Variants in CD82 observed in about 807,000 individuals in gnomAD.
CD82 encodes the protein CD82 molecule.
Under a neutral mutation model 37.4 loss-of-function variants are expected in CD82, and 36 were observed. That is an observed-to-expected ratio of 0.96 (90% confidence interval 0.74 to 1.27). CD82 has a LOEUF of 1.27. Among genes scored for constraint, CD82 ranks in the 50% most tolerant of loss-of-function variants. The pLI is 0.00. For missense variants in CD82, 340 were observed against 347.0 expected (o/e 0.98, Z 0.16); for synonymous variants, 158 against 137.4 (o/e 1.15, Z -1.05).
chr11:44,618,134 C>G (rs200577760), intron 7 of CD82, 28 bp from the exon 8 acceptor site: 1 of 1,607,882 alleles, frequency 6.2e-7, no homozygotes, highest in Non-Finnish European at 8.5e-7. Context: ...GCCGTGAGCA[C>G]AAGCAGTCTG....
chr11:44,600,115 A>T, intron 3 of CD82, 43 bp from the exon 4 acceptor site: 1 of 1,599,806 alleles, frequency 6.3e-7, no homozygotes, highest in East Asian at 2.2e-5. Flanking sequence ...GGGGAGGGCT[A>T]TCTGCTCTTG....
chr11:44,578,256 G>T (rs1852927475), intron 1 of CD82, among the ~76,000 whole-genome samples: 1 of 152,166 alleles, frequency 6.6e-6, no homozygotes, highest in Admixed American at 6.5e-5. Context: ...GCAGTGCCTG[G>T]TTTGCTGGGT....
chr11:44,577,351 C>T (rs1852908105), intron 1 of CD82, among the ~76,000 whole-genome samples: 1 of 152,032 alleles, frequency 6.6e-6, no homozygotes, highest in African/African-American at 2.4e-5. Context: ...CTCCTGTCTT[C>T]CTCATTCTTC....
chr11:44,605,537 C>T lies in CD82; in HGVS notation c.336+108C>T. On this transcript the variant is annotated intron_variant, in intron 6 of 9. Coordinates refer to ENST00000227155, the MANE Select transcript of CD82 (RefSeq NM_002231.4). ...CCCCCCCAGTTGTCACAGACAGATC[C>T]AGTAGGTGTCAGGGACGGCCTCCTG... The T allele has an allele frequency of 3.1e-6, 3 of 981,488 alleles. No individual in the cohort carries two copies. In the South Asian group the frequency reaches 4.1e-5, roughly 13 times the overall value. 60.8% of individuals were successfully genotyped at this position (981,488 alleles called of 1,614,324 possible). A position where few individuals can be genotyped will look rare whatever the true frequency, so the allele number is the denominator to read the frequency against.
intron 2 of CD82, among the ~76,000 whole-genome samples, chr11:44,590,610 C>A (rs1213282577): frequency 1.5e-3 from 51 of 33,446 alleles, no homozygotes; most frequent in South Asian, 2.4e-3. Flanking sequence ...GATTCTGTCT[C>A]AAAAAAAAAA....
rs1853244611 is a variant in CD82 at position 44,597,386 on chromosome 11, G to A, written c.63+2661G>A. ...TGGGGGAGTGATTAACATGGGGCCT[G>A]CCCCACAGCTCCAGTCTTGGTTCAC... On this transcript the variant is annotated intron_variant, in intron 3 of 9. Transcript: ENST00000227155. This position sits in a 1 kb window ranked among gnomAD's most constrained non-coding sequence, Gnocchi z 4.1. Among the ~76,000 whole-genome samples the A allele has an allele frequency of 6.6e-6, 1 of 152,200 alleles. No homozygotes were observed.
chr11:44,595,327 T>C (rs971188756), intron 3 of CD82, among the ~76,000 whole-genome samples: 2 of 152,152 alleles, frequency 1.3e-5, no homozygotes, highest in African/African-American at 4.8e-5. Flanking sequence ...GGGGCCTCGG[T>C]TTTCCTCTCT....
In CD82 at chr11:44,598,400, A is replaced by ATTTTTTTTTTTTTTTTTTTTT. The variant is rs71038809; in HGVS notation, c.64-1749_64-1729dup. 3.2e-4 allele frequency among the ~76,000 whole-genome samples: 19 copies of ATTTTTTTTTTTTTTTTTTTTT among 58,906 alleles called. 6 individuals carry two copies. Among genetic ancestry groups the ATTTTTTTTTTTTTTTTTTTTT allele is most frequent in the African/African-American group, 7.8e-4 (12 of 15,312 alleles). The allele number at this position is 58,906 out of a possible 152,430, so 38.6% of individuals were successfully genotyped here. A position where few individuals can be genotyped will look rare whatever the true frequency, so the allele number is the denominator to read the frequency against. ...CAGTTATCATGGATTTTTGGCCTTA[A>ATTTTTTTTTTTTTTTTTTTTT]TTTTTTTTTTTTTTTTTTTTTTTTT... On this transcript the variant is annotated intron_variant, in intron 3 of 9. Transcript: ENST00000227155.
intron 3 of CD82, among the ~76,000 whole-genome samples, chr11:44,595,307 T>C (rs1364943926): frequency 6.6e-6 from 1 of 152,170 alleles, no homozygotes; most frequent in African/African-American, 2.4e-5. Flanking sequence ...CATTGACTGC[T>C]GGTTTTCCTG....
intron 3 of CD82, among the ~76,000 whole-genome samples, chr11:44,596,504 G>C (rs1175633159): frequency 6.6e-6 from 1 of 152,218 alleles, no homozygotes; most frequent in Non-Finnish European, 1.5e-5. Flanking sequence ...GGGGTTGGTG[G>C]TTTCAGCCAG....
At chr11:44,581,521 T>G (rs1056980328) in intron 1 of CD82, among the ~76,000 whole-genome samples, 1 of 152,260 alleles carries the variant, frequency 6.6e-6, no homozygotes, top group Non-Finnish European at 1.5e-5. Flanking sequence ...CAGAGGGAGA[T>G]GCAGTCAGCA....
At chr11:44,607,810 C>T (rs1358862906) in intron 6 of CD82, among the ~76,000 whole-genome samples, 1 of 152,242 alleles carries the variant, frequency 6.6e-6, no homozygotes, top group African/African-American at 2.4e-5. Flanking sequence ...CTATCCACCA[C>T]GCTGCCCTCC....
At chr11:44,570,168 G>T (rs572113423) in intron 1 of CD82, among the ~76,000 whole-genome samples, 5 of 152,174 alleles carry the variant, frequency 3.3e-5, no homozygotes, top group Non-Finnish European at 7.3e-5. Context: ...GGCTCTTCCT[G>T]GGGGTGGCTG....
chr11:44,618,051 T>G, intron 7 of CD82, 111 bp from the exon 8 acceptor site: 1 of 860,476 alleles, frequency 1.2e-6, no homozygotes, highest in Non-Finnish European at 1.8e-6. Context: ...ACCAGGGGCC[T>G]GGAAGTGGCA....
At chr11:44,578,328 G>C (rs1173350334) in intron 1 of CD82, among the ~76,000 whole-genome samples, 1 of 152,170 alleles carries the variant, frequency 6.6e-6, no homozygotes, top group African/African-American at 2.4e-5. Flanking sequence ...GAGAGCCAGG[G>C]AGCCAGCCCA....
intron 1 of CD82, among the ~76,000 whole-genome samples, chr11:44,574,650 C>A (rs1043961440): frequency 7.9e-5 from 12 of 152,082 alleles, no homozygotes; most frequent in African/African-American, 2.4e-4. Flanking sequence ...AAAGAACAGA[C>A]CTGCAGGAGG....
At chr11:44,568,913 A>G (rs1164223606) in intron 1 of CD82, among the ~76,000 whole-genome samples, 1 of 152,194 alleles carries the variant, frequency 6.6e-6, no homozygotes, top group African/African-American at 2.4e-5. Flanking sequence ...GGCACCCCTG[A>G]TTCTGGCTTG....
At chr11:44,608,147 G>A (rs1416469946) in intron 6 of CD82, 2 of 152,174 alleles carry the variant, frequency 1.3e-5, no homozygotes, top group Non-Finnish European at 2.9e-5. Context: ...CTCAGTGGAA[G>A]ACTAAACATA....
At chr11:44,593,515 A>C (rs927217875) in intron 2 of CD82, among the ~76,000 whole-genome samples, 8 of 152,188 alleles carry the variant, frequency 5.3e-5, no homozygotes, top group African/African-American at 1.9e-4. Flanking sequence ...GTCAGCTTCC[A>C]GCTTCCCTCT....
Sources: gnomAD v4.1 joint callset for allele counts (sites outside exome capture counted in the v4.1 genomes callset) on GRCh38, gnomAD v4.1.1 for gene constraint, Gnocchi (gnomAD v3.1) non-coding constraint, MANE v1.5 for transcripts, NCBI Gene and HGNC (gene_info 2026-07-23, HGNC 2026-07-21) for gene names.